The following ZSWIM5 variants were observed in gnomAD, a reference collection of about 807,000 sequenced individuals.
The protein encoded by ZSWIM5 is zinc finger SWIM domain-containing protein 5.
In ZSWIM5, 55 loss-of-function variants were observed where a neutral mutation model predicts 119.6. The observed-to-expected ratio is 0.46, with a 90% CI of 0.37 to 0.58. ZSWIM5 has a LOEUF of 0.58. Ranked by LOEUF, ZSWIM5 falls within the 20% of genes least tolerant of loss-of-function variation. The probability of loss-of-function intolerance (pLI) is 0.00; values close to 1 mark genes in which losing one functional copy is unlikely to be tolerated. For synonymous variants in ZSWIM5, 537 were observed against 606.9 expected, an observed-to-expected ratio of 0.88 and a Z score of 1.69; for missense variants, 1,193 against 1,512.8, an observed-to-expected ratio of 0.79 and a Z score of 3.51.
At chr1:45,133,112 CT>C (rs1269540337) in intron 1 of ZSWIM5, among the ~76,000 whole-genome samples, 3 of 152,270 alleles carry the variant, frequency 2.0e-5, no homozygotes, top group Admixed American at 6.5e-5. Context: ...GATTTATAAT[CT>C]TTTGGGTATA....
chr1:45,154,598 T>C (rs954300182), intron 1 of ZSWIM5, among the ~76,000 whole-genome samples: 1 of 152,098 alleles, frequency 6.6e-6, no homozygotes, highest in African/African-American at 2.4e-5. Flanking sequence ...CAGCTCAAGA[T>C]TGACCAGGTG....
At chr1:45,141,193 G>C (rs905891154) in intron 1 of ZSWIM5, among the ~76,000 whole-genome samples, 3 of 152,176 alleles carry the variant, frequency 2.0e-5, no homozygotes, top group Non-Finnish European at 2.9e-5. Flanking sequence ...TTCTGAAAAA[G>C]GGAGACTTTC....
At chr1:45,158,716 C>G (rs559888855) in intron 1 of ZSWIM5, among the ~76,000 whole-genome samples, 5 of 152,228 alleles carry the variant, frequency 3.3e-5, no homozygotes, top group African/African-American at 1.2e-4. Flanking sequence ...AATGTCAGTT[C>G]TATAATGTGG....
intron 1 of ZSWIM5, among the ~76,000 whole-genome samples, chr1:45,098,945 G>A (rs772509360): frequency 1.1e-4 from 17 of 152,056 alleles, no homozygotes; most frequent in East Asian, 5.8e-4. Context: ...AAGAGAAAGC[G>A]GTGAAGATCT....
At chr1:45,106,679 G>A (rs1414202364) in intron 1 of ZSWIM5, among the ~76,000 whole-genome samples, 2 of 152,360 alleles carry the variant, frequency 1.3e-5, no homozygotes, top group Middle Eastern at 3.4e-3. Flanking sequence ...CCTCCGCCAG[G>A]CTGCCCCATC....
chr1:45,158,118 G>C (rs954839796), intron 1 of ZSWIM5, among the ~76,000 whole-genome samples: 3 of 152,002 alleles, frequency 2.0e-5, no homozygotes, highest in African/African-American at 7.3e-5. Context: ...AGTATTTATT[G>C]ACTGAACTAC....
chr1:45,199,294 CTT>C (rs557544245), intron 1 of ZSWIM5, among the ~76,000 whole-genome samples: 7 of 139,916 alleles, frequency 5.0e-5, no homozygotes, highest in South Asian at 2.3e-4. Flanking sequence ...CTTCAATAGT[CTT>C]TTTTTTTTTT....
chr1:45,082,324 TAAAAAAAAAAAAG>T (rs754861948), intron 2 of ZSWIM5, among the ~76,000 whole-genome samples: 20 of 118,572 alleles, frequency 1.7e-4, no homozygotes, highest in African/African-American at 5.1e-4. Flanking sequence ...AATGATCAAT[TAAAAAAAAAAAAG>T]AAAAAAAAAA....
At chr1:45,178,787 CT>C (rs1455650022) in intron 1 of ZSWIM5, among the ~76,000 whole-genome samples, 3 of 151,896 alleles carry the variant, frequency 2.0e-5, no homozygotes, top group African/African-American at 7.2e-5. Context: ...AATTTTATGG[CT>C]TTTTTCACTT....
intron 1 of ZSWIM5, among the ~76,000 whole-genome samples, chr1:45,141,858 C>T (rs1322756284): frequency 2.0e-5 from 3 of 152,128 alleles, no homozygotes. Context: ...GCTGGGATTA[C>T]AGGCATGAGC....
chr1:45,078,597 C>G (rs1031822304), intron 2 of ZSWIM5, among the ~76,000 whole-genome samples: 2 of 152,176 alleles, frequency 1.3e-5, no homozygotes, highest in Non-Finnish European at 2.9e-5. Context: ...GTGGCCACCA[C>G]CACCAGGACT....
chr1:45,190,359 C>T (rs1646084170), intron 1 of ZSWIM5, among the ~76,000 whole-genome samples: 1 of 152,028 alleles, frequency 6.6e-6, no homozygotes, highest in Non-Finnish European at 1.5e-5. Context: ...CCCAGGTAAA[C>T]CACTTAGACC....
chr1:45,198,115 A>G (rs1646137058), intron 1 of ZSWIM5, among the ~76,000 whole-genome samples: 1 of 152,236 alleles, frequency 6.6e-6, no homozygotes, highest in Admixed American at 6.5e-5. Context: ...AATATCATAG[A>G]CATCTCAATT....
At chr1:45,095,739 A>G (rs1293191945) in intron 1 of ZSWIM5, among the ~76,000 whole-genome samples, 4 of 152,158 alleles carry the variant, frequency 2.6e-5, no homozygotes, top group Non-Finnish European at 4.4e-5. Context: ...TCTCCCTTAC[A>G]AAGTTCCTTG....
chr1:45,042,349 T>C (rs954821467), intron 6 of ZSWIM5, among the ~76,000 whole-genome samples: 2 of 152,234 alleles, frequency 1.3e-5, no homozygotes, highest in African/African-American at 4.8e-5. Flanking sequence ...GTTGTTTTAA[T>C]TTGCATCTTT....
intron 1 of ZSWIM5, among the ~76,000 whole-genome samples, chr1:45,165,532 G>A (rs1645896019): frequency 6.6e-6 from 1 of 152,002 alleles, no homozygotes; most frequent in Non-Finnish European, 1.5e-5. Flanking sequence ...CCAGGAGCTG[G>A]TTTTTTGAAA....
intron 1 of ZSWIM5, among the ~76,000 whole-genome samples, chr1:45,121,697 T>C (rs1162939279): frequency 6.6e-6 from 1 of 151,396 alleles, no homozygotes; most frequent in African/African-American, 2.4e-5. Flanking sequence ...ATTTCTGGGC[T>C]CACTTCTGCC....
chr1:45,093,839 G>T (rs1645381604), intron 1 of ZSWIM5, among the ~76,000 whole-genome samples: 1 of 127,650 alleles, frequency 7.8e-6, no homozygotes, highest in Non-Finnish European at 1.6e-5. Flanking sequence ...CAAACATGTA[G>T]AAGCTTGTTT....
At chr1:45,109,251 G>A (rs1241823458) in intron 1 of ZSWIM5, among the ~76,000 whole-genome samples, 3 of 152,088 alleles carry the variant, frequency 2.0e-5, no homozygotes, top group African/African-American at 7.2e-5. Flanking sequence ...TTTATTCAGG[G>A]TTGTATATAC....
Sources: allele counts gnomAD v4.1 joint callset (sites outside exome capture counted in the v4.1 genomes callset), GRCh38; gene constraint gnomAD v4.1.1; transcripts MANE v1.5; gene names NCBI Gene and HGNC (gene_info 2026-07-23, HGNC 2026-07-21).